Variants in VIT observed in about 807,000 individuals in gnomAD.
The protein encoded by VIT is vitrin.
Under a neutral mutation model 78.0 loss-of-function variants are expected in VIT, and 99 were observed. The ratio of observed to expected loss-of-function variants is 1.27; its 90% CI spans 1.08 to 1.50. The LOEUF (loss-of-function observed/expected upper bound fraction) is 1.50. Among genes scored for constraint, VIT ranks in the 40% most tolerant of loss-of-function variants. The pLI is 0.00. For missense variants in VIT, 1,126 were observed against 875.3 expected (o/e 1.29, Z -3.61); for synonymous variants, 374 against 334.3 (o/e 1.12, Z -1.29).
intron 7 of VIT, among the ~76,000 whole-genome samples, chr2:36,770,654 C>T (rs776110038): frequency 2.6e-5 from 4 of 152,012 alleles, no homozygotes; most frequent in Admixed American, 1.3e-4. Context: ...AGGGGGAAGC[C>T]GGGAGAGCCA....
intron 11 of VIT, among the ~76,000 whole-genome samples, chr2:36,786,783 G>C (rs11904545): frequency 0.019 from 2,890 of 152,352 alleles, 88 homozygotes; most frequent in African/African-American, 0.065. Context: ...CAGTCTTGAT[G>C]AATTCTCACA....
intron 11 of VIT, among the ~76,000 whole-genome samples, chr2:36,785,006 G>A (rs2058682): frequency 0.079 from 11,981 of 152,162 alleles, 1,373 homozygotes; most frequent in African/African-American, 0.26. Context: ...AGATGAATAC[G>A]TTAATCCTGA....
At chr2:36,776,871 C>T (rs556130644) in intron 9 of VIT, among the ~76,000 whole-genome samples, 127 of 151,868 alleles carry the variant, frequency 8.4e-4, no homozygotes, top group African/African-American at 2.7e-3. Context: ...GGGCAGATCA[C>T]GAGGTCAGGA....
chr2:36,805,539 A>G lies in VIT; in HGVS notation c.1264A>G (p.Thr422Ala), dbSNP rs769653218. 3.7e-6 allele frequency: 6 copies of G among 1,614,006 alleles called. No homozygotes were observed. In the East Asian group the frequency reaches 1.3e-4, roughly 36 times the overall value. The change falls in exon 14 of 16, where the codon ACG becomes GCG. Residue 422 changes from threonine to alanine, a missense_variant. Coordinates refer to ENST00000379242, the MANE Select transcript of VIT (RefSeq NM_053276.4). Reference sequence around the variant, plus strand: ...GGTGGTGATGGTGGATGGCTGGCCCACGGACAAAGTGGAGGAGGCTTCAAG... The same window carrying G: ...GGTGGTGATGGTGGATGGCTGGCCCGCGGACAAAGTGGAGGAGGCTTCAAG... ...VVVVMVDGWP[T>A]DKVEEASRLA...
At chr2:36,717,910 A>G (rs1255111524) in intron 2 of VIT, among the ~76,000 whole-genome samples, 1 of 152,204 alleles carries the variant, frequency 6.6e-6, no homozygotes, top group African/African-American at 2.4e-5. Flanking sequence ...AGAGGGCTGC[A>G]AGGGAGGAAT....
Position 36,801,340 on chromosome 2 carries a change from G to T in VIT, c.1098G>T (p.Thr366=). 6.2e-7 allele frequency: 1 copy of T among 1,614,068 alleles called. No individual in the cohort carries two copies. Among genetic ancestry groups the T allele is most frequent in the Non-Finnish European group, 8.5e-7 (1 of 1,180,028 alleles). ...PATHFNLKTH[T]NSRDLKTAIE... is the part of the protein sequence containing the mutation. ...CTCACTTTAACCTCAAGACACACAC[G>T]AATTCTCGAGATCTGAAGACAGCCA... Residue 366 remains threonine, a synonymous_variant, in exon 13 of 16, where the codon ACG becomes ACT. Coordinates refer to ENST00000379242, the MANE Select transcript of VIT (RefSeq NM_053276.4).
intron 7 of VIT, among the ~76,000 whole-genome samples, chr2:36,773,286 T>C (rs966935232): frequency 2.6e-5 from 4 of 152,088 alleles, no homozygotes; most frequent in African/African-American, 9.7e-5. Flanking sequence ...TATTATTACC[T>C]GTAGTTTTTA....
In VIT at chr2:36,814,657, C is replaced by G. The variant is rs191148470; in HGVS notation, c.*296C>G. ...TGTTCGGAATACAGTGCAGCCCTTACGACAGGCTTACGTAGAGCTTTTGTG... is the reference window on the plus strand; with the variant it reads ...TGTTCGGAATACAGTGCAGCCCTTAGGACAGGCTTACGTAGAGCTTTTGTG... On this transcript the variant is annotated 3_prime_UTR_variant, in exon 16 of 16. Coordinates refer to ENST00000379242, the MANE Select transcript of VIT (RefSeq NM_053276.4). The G allele has an allele frequency of 9.9e-6, 3 of 302,784 alleles. No individual in the cohort carries two copies. The highest frequency in any genetic ancestry group is 1.8e-5 in the Non-Finnish European group (3 of 165,260). The allele number at this position is 302,784 out of a possible 1,614,324, so 18.8% of individuals were successfully genotyped here. A position where few individuals can be genotyped will look rare whatever the true frequency, so the allele number is the denominator to read the frequency against.
At chr2:36,740,550 C>G (rs1012250067) in intron 3 of VIT, among the ~76,000 whole-genome samples, 1 of 152,176 alleles carries the variant, frequency 6.6e-6, no homozygotes, top group Admixed American at 6.5e-5. Flanking sequence ...CCACACTTTA[C>G]CGTGGCTCCC....
At chr2:36,703,350 C>G (rs546519051) in intron 1 of VIT, among the ~76,000 whole-genome samples, 91 of 152,110 alleles carry the variant, frequency 6.0e-4, no homozygotes, top group African/African-American at 2.2e-3. Context: ...TACCCCCACC[C>G]CCCTACACCC....
chr2:36,704,888 G>T (rs998417832), intron 1 of VIT, among the ~76,000 whole-genome samples: 1 of 152,192 alleles, frequency 6.6e-6, no homozygotes, highest in Non-Finnish European at 1.5e-5. Context: ...TGCCGGACCT[G>T]AGAATGTTTT....
chr2:36,772,919 G>T (rs771182334), intron 7 of VIT, among the ~76,000 whole-genome samples: 2 of 152,092 alleles, frequency 1.3e-5, no homozygotes, highest in Admixed American at 6.6e-5. Flanking sequence ...CCTTCCAAAG[G>T]CTTTGCATTT....
intron 1 of VIT, among the ~76,000 whole-genome samples, chr2:36,707,223 C>T (rs1229078568): frequency 1.3e-5 from 2 of 152,094 alleles, no homozygotes; most frequent in Non-Finnish European, 2.9e-5. Flanking sequence ...AGGGGCAGGC[C>T]CAGCCCCCAG....
chr2:36,787,977 C>T (rs1665225005), intron 12 of VIT: 1 of 324,670 alleles, frequency 3.1e-6, no homozygotes, highest in Non-Finnish European at 6.1e-6. Context: ...GGTAATAAAT[C>T]ACTCTTATTT....
At chr2:36,808,344 G>T (rs1189686804) in intron 14 of VIT, 128 bp from the exon 15 acceptor site, 11 of 1,298,580 alleles carry the variant, frequency 8.5e-6, no homozygotes, top group African/African-American at 3.0e-5. Context: ...GGAAGAACAC[G>T]GTAGGAGGGC....
intron 2 of VIT, 120 bp from the exon 3 acceptor site, chr2:36,729,306 G>A: frequency 2.5e-6 from 2 of 795,182 alleles, no homozygotes; most frequent in Middle Eastern, 4.0e-4. Flanking sequence ...GACTGTAAGA[G>A]GGAAAATTAG....
chr2:36,805,650 A>G lies in VIT; in HGVS notation c.1375A>G (p.Asn459Asp), dbSNP rs867058559. Reference protein sequence around the residue: ...ENEKQYVVEPNFANKAVCRTN... With the variant: ...ENEKQYVVEPDFANKAVCRTN... ...TGAGAAGCAGTATGTGGTGGAGCCC[A>G]ACTTTGCAAACAAGGTAGATGACTG... The change falls in exon 14 of 16, where the codon AAC becomes GAC. Residue 459 changes from asparagine to aspartate, a missense_variant. By Grantham distance (23) the Asn-to-Asp change is conservative. Transcript: ENST00000379242. The G allele has an allele frequency of 1.2e-6, 2 of 1,613,494 alleles. No homozygotes were observed. The highest frequency in any genetic ancestry group is 2.7e-5 in the African/African-American group (2 of 74,924).
chr2:36,743,194 C>T lies in VIT; in HGVS notation c.213C>T (p.Tyr71=). Residue 71 remains tyrosine (Y), a synonymous_variant, in exon 4 of 16, where the codon TAC becomes TAT. Coordinates refer to ENST00000379242, the MANE Select transcript of VIT (RefSeq NM_053276.4). Reference sequence around the variant, plus strand: ...CAGCAGGATGCCAAGACCCCAAATACCATGTTTATGGCACTGACGTGTATG... The same window carrying T: ...CAGCAGGATGCCAAGACCCCAAATATCATGTTTATGGCACTGACGTGTATG... ...KCPAGCQDPK[Y]HVYGTDVYAS... 1 of 1,614,064 alleles carries T rather than the reference C, an allele frequency of 6.2e-7. No homozygotes were observed. The highest frequency in any genetic ancestry group is 8.5e-7 in the Non-Finnish European group (1 of 1,179,966).
intron 12 of VIT, 71 bp from the exon 13 acceptor site, chr2:36,801,230 C>A: frequency 1.5e-6 from 2 of 1,360,944 alleles, no homozygotes; most frequent in Non-Finnish European, 1.0e-6. Context: ...AAAGAATCAA[C>A]CATGATCTCT....
Sources: gnomAD v4.1 joint callset for allele counts (sites outside exome capture counted in the v4.1 genomes callset) on GRCh38, gnomAD v4.1.1 for gene constraint, MANE v1.5 for transcripts, NCBI Gene and HGNC (gene_info 2026-07-23, HGNC 2026-07-21) for gene names.